Variants in SH3D19 observed in about 807,000 individuals in gnomAD.
SH3D19 encodes SH3 domain containing 19.
A neutral mutation model predicts 112.1 loss-of-function variants in SH3D19; 58 were observed. That is an observed-to-expected ratio of 0.52 (90% CI 0.42 to 0.64). The LOEUF (loss-of-function observed/expected upper bound fraction) is 0.64, where lower values mean the gene tolerates loss of function less well. Ranked by LOEUF, SH3D19 falls within the 30% of genes least tolerant of loss-of-function variation. The pLI is 0.00. For synonymous variants in SH3D19, 391 were observed against 448.5 expected (o/e 0.87, Z 1.62); for missense variants, 1,090 against 1,263.4 (o/e 0.86, Z 2.08).
chr4:151,302,868 TG>T, intron 1 of SH3D19, among the ~76,000 whole-genome samples: 1 of 98,308 alleles, frequency 1.0e-5, no homozygotes, highest in South Asian at 3.7e-4. Flanking sequence ...GGGCCTGTCG[TG>T]GGGTGGGGGA....
chr4:151,251,213 T>TC (rs1771365598), intron 1 of SH3D19, among the ~76,000 whole-genome samples: 1 of 150,890 alleles, frequency 6.6e-6, no homozygotes, highest in Non-Finnish European at 1.5e-5. Context: ...TTTTTTTTTT[T>TC]CCTGAGACGG....
intron 2 of SH3D19, among the ~76,000 whole-genome samples, chr4:151,199,085 A>G (rs758126709): frequency 1.3e-5 from 2 of 150,498 alleles, no homozygotes; most frequent in Non-Finnish European, 2.9e-5. Flanking sequence ...CATATTTGGT[A>G]GCCGAAGGAC....
chr4:151,127,591 C>T, intron 19 of SH3D19, 27 bp downstream of exon 19: 1 of 1,330,880 alleles, frequency 7.5e-7, no homozygotes, highest in South Asian at 1.3e-5. Flanking sequence ...GTGCTTAATG[C>T]AGTTATGAAG....
intron 1 of SH3D19, among the ~76,000 whole-genome samples, chr4:151,232,890 C>G (rs757819797): frequency 7.2e-5 from 11 of 152,186 alleles, no homozygotes; most frequent in Admixed American, 1.3e-4. Flanking sequence ...GGCCAGAAGT[C>G]AAAATGAGTA....
chr4:151,224,997 A>T (rs866371425), intron 2 of SH3D19, among the ~76,000 whole-genome samples: 3 of 152,390 alleles, frequency 2.0e-5, no homozygotes, highest in Middle Eastern at 3.4e-3. Context: ...GTACCTGGAA[A>T]AAAAATCAGT....
intron 3 of SH3D19, among the ~76,000 whole-genome samples, chr4:151,180,561 C>T (rs1760726300): frequency 6.6e-6 from 1 of 151,776 alleles, no homozygotes; most frequent in African/African-American, 2.4e-5. Flanking sequence ...CGCCCGCGAC[C>T]ATGCCTGGCT....
chr4:151,268,900 T>A (rs953468278), intron 1 of SH3D19, among the ~76,000 whole-genome samples: 2 of 152,130 alleles, frequency 1.3e-5, no homozygotes, highest in Non-Finnish European at 2.9e-5. Context: ...ACAATAAACA[T>A]ATGTGTGCAT....
At chr4:151,226,541 C>CCAATA (rs1263600662) in intron 1 of SH3D19, 2 of 881,918 alleles carry the variant, frequency 2.3e-6, no homozygotes, top group African/African-American at 3.6e-5. Context: ...AATACTAAGA[C>CCAATA]CAATACAGCT....
At chr4:151,321,300 G>A (rs1730506458) in intron 1 of SH3D19, among the ~76,000 whole-genome samples, 1 of 152,154 alleles carries the variant, frequency 6.6e-6, no homozygotes, top group African/African-American at 2.4e-5. Flanking sequence ...AAACTGGGAA[G>A]AGTTGGTCAC....
chr4:151,202,196 G>C lies in SH3D19; in HGVS notation c.153-14733C>G, dbSNP rs551256750. On this transcript the variant is annotated intron_variant, in intron 2 of 19. Transcript: ENST00000604030. ...TAAAAATACAAAAAATTAGCCGGGC[G>C]TGGTGGCACACACCTGTAGTCCTAG... Among the ~76,000 whole-genome samples, 4 of 152,106 alleles carry C rather than the reference G, an allele frequency of 2.6e-5. No individual in the cohort carries two copies. The East Asian group carries it at 7.7e-4, about 29-fold the overall frequency.
chr4:151,130,535 A>G lies in SH3D19; in HGVS notation c.2742+1796T>C, dbSNP rs148649993. On this transcript the variant is annotated intron_variant, in intron 17 of 19. Transcript: ENST00000604030. The stretch of plus-strand genomic sequence containing the variant: ...CACCACATTCCTAGTACCTTTAAGC[A>G]TTTCTGGGGTCATGCTGAACAGTGT... Among the ~76,000 whole-genome samples the G allele has an allele frequency of 7.6e-3, 1,151 of 152,308 alleles. 8 individuals carry two copies. Among genetic ancestry groups the G allele is most frequent in the Middle Eastern group, 0.02 (6 of 294 alleles).
intron 3 of SH3D19, among the ~76,000 whole-genome samples, chr4:151,187,051 C>T (rs1040863773): frequency 6.7e-6 from 1 of 150,288 alleles, no homozygotes; most frequent in Non-Finnish European, 1.5e-5. Context: ...GCCTTGGCCT[C>T]CCAAAGTGCT....
intron 1 of SH3D19, among the ~76,000 whole-genome samples, chr4:151,288,833 TG>T (rs971192240): frequency 1.1e-4 from 17 of 152,336 alleles, no homozygotes; most frequent in Admixed American, 1.1e-3. Context: ...ATTCTCCAAA[TG>T]GATCTACAGA....
rs751981146 is a variant in SH3D19, at chr4:151,132,349, ATCT to A, written c.2721_2723del (p.Glu907del). ...AGCCTACCTGAGAGTTTGAGCCAGA[ATCT>A]TCTTTTTTGGTTTTCAGTGGTACCT... On this transcript the variant is annotated inframe_deletion, in exon 17 of 20. Transcript: ENST00000604030. 2.7e-5 allele frequency: 43 copies of A among 1,613,948 alleles called. No individual in the cohort carries two copies. In the East Asian group the frequency reaches 2.7e-4, roughly 10 times the overall value.
intron 2 of SH3D19, among the ~76,000 whole-genome samples, chr4:151,196,598 C>T (rs1015643243): frequency 1.3e-5 from 2 of 151,764 alleles, no homozygotes. Context: ...ATACTGAATA[C>T]TCCAGTATGC....
At chr4:151,141,963 A>G (rs1226135329) in intron 12 of SH3D19, among the ~76,000 whole-genome samples, 1 of 152,196 alleles carries the variant, frequency 6.6e-6, no homozygotes, top group African/African-American at 2.4e-5. Context: ...GCTGCTCATC[A>G]ACCCAGCCTA....
At chr4:151,168,691 T>G (rs199612172) in intron 7 of SH3D19, among the ~76,000 whole-genome samples, 1 of 152,102 alleles carries the variant, frequency 6.6e-6, no homozygotes, top group Non-Finnish European at 1.5e-5. Context: ...CCTTGGCCTC[T>G]CAAAGTGCTG....
At chr4:151,261,626 C>T (rs1009094096) in intron 1 of SH3D19, 1 of 152,200 alleles carries the variant, frequency 6.6e-6, no homozygotes, top group Non-Finnish European at 1.5e-5. Flanking sequence ...CCTAGAGCAC[C>T]AGATATACTA....
intron 9 of SH3D19, among the ~76,000 whole-genome samples, chr4:151,158,361 G>A (rs953848399): frequency 1.3e-5 from 2 of 152,068 alleles, no homozygotes; most frequent in Middle Eastern, 3.4e-3. Context: ...GTGCAGTGGC[G>A]TGATCTTGGC....
Sources: allele counts gnomAD v4.1 joint callset (sites outside exome capture counted in the v4.1 genomes callset), GRCh38; gene constraint gnomAD v4.1.1; transcripts MANE v1.5; gene names NCBI Gene and HGNC (gene_info 2026-07-23, HGNC 2026-07-21).